Variants in CPNE2 observed in about 807,000 individuals in gnomAD.
CPNE2 encodes the protein copine 2.
CPNE2 carries 42 observed loss-of-function variants against 69.7 expected under a neutral mutation model. The observed-to-expected ratio is 0.60, with a 90% CI of 0.47 to 0.78. The LOEUF (loss-of-function observed/expected upper bound fraction) is 0.78. Among genes scored for constraint, CPNE2 ranks in the 30% least tolerant of loss-of-function variants. The pLI is 0.00. For synonymous variants in CPNE2, 294 were observed against 289.8 expected (o/e 1.01, Z -0.15); for missense variants, 587 against 732.0 (o/e 0.80, Z 2.29).
intron 1 of CPNE2, among the ~76,000 whole-genome samples, chr16:57,108,612 C>T (rs1419397960): frequency 6.6e-6 from 1 of 152,222 alleles, no homozygotes; most frequent in Non-Finnish European, 1.5e-5. Context: ...GCTCAAAGGG[C>T]TGTGTCCTGA....
chr16:57,101,853 C>A lies in CPNE2; in HGVS notation c.-35-8855C>A, dbSNP rs1326126664. Among the ~76,000 whole-genome samples, 3 of 152,230 alleles carry A rather than the reference C, an allele frequency of 2.0e-5. No individual in the cohort carries two copies. In the South Asian group the frequency reaches 6.2e-4, roughly 31 times the overall value. ...GTGTATACTTAGCCCACATCAGAAC[C>A]ACCAGCAGAGCATGTTAAAACACAG... On this transcript the variant is annotated intron_variant, in intron 1 of 15. Coordinates refer to ENST00000290776, the MANE Select transcript of CPNE2 (RefSeq NM_152727.6).
At chr16:57,137,906 C>T (rs2069894899) in intron 14 of CPNE2, among the ~76,000 whole-genome samples, 1 of 152,224 alleles carries the variant, frequency 6.6e-6, no homozygotes, top group African/African-American at 2.4e-5. Flanking sequence ...TCACCTTGCC[C>T]ACCTCCCCAT....
At chr16:57,137,425 G>C (rs1040125097) in intron 14 of CPNE2, 143 bp downstream of exon 14, 1 of 1,139,518 alleles carries the variant, frequency 8.8e-7, no homozygotes, top group Admixed American at 2.5e-5. Flanking sequence ...TGTAAAAGTT[G>C]AGTCAAGCTC....
At chr16:57,117,443 C>T in intron 4 of CPNE2, 53 bp from the exon 5 acceptor site, 5 of 1,582,238 alleles carry the variant, frequency 3.2e-6, no homozygotes, top group Non-Finnish European at 3.4e-6. Context: ...TGCCATCCTG[C>T]CTGGCAGGAG....
chr16:57,110,407 T>C (rs2069673336), intron 1 of CPNE2: 1 of 161,028 alleles, frequency 6.2e-6, no homozygotes, highest in Admixed American at 6.5e-5. Flanking sequence ...AAATATTTTT[T>C]GCAGAGACAG....
At chr16:57,117,058 C>T (rs1325818510) in intron 4 of CPNE2, among the ~76,000 whole-genome samples, 1 of 152,078 alleles carries the variant, frequency 6.6e-6, no homozygotes, top group East Asian at 1.9e-4. Context: ...TCCCCTGGGC[C>T]TCAGTTTCCC....
In CPNE2 at chr16:57,103,978, G is replaced by A. The variant is rs186148441; in HGVS notation, c.-35-6730G>A. ...CTCACCCAGGCTGGAGTGCAGTGGT[G>A]CAATCTAGGCTCATTGCAACCTCCG... On this transcript the variant is annotated intron_variant, in intron 1 of 15. Coordinates refer to ENST00000290776, the MANE Select transcript of CPNE2 (RefSeq NM_152727.6). Among the ~76,000 whole-genome samples, 461 of 152,270 alleles carry A rather than the reference G, an allele frequency of 3.0e-3. 1 individual carries two copies. The highest frequency in any genetic ancestry group is 3.9e-3 in the Non-Finnish European group (263 of 68,022).
At chr16:57,120,195 T>C (rs4784769) in intron 7 of CPNE2, among the ~76,000 whole-genome samples, 115,989 of 151,468 alleles carry the variant, frequency 0.77, 44,563 homozygotes, top group East Asian at 0.91. Flanking sequence ...ATCACTTGAA[T>C]GTGGGAGGCG....
chr16:57,139,519 T>C (rs1334409938), intron 14 of CPNE2, among the ~76,000 whole-genome samples: 1 of 152,208 alleles, frequency 6.6e-6, no homozygotes, highest in African/African-American at 2.4e-5. Context: ...AGAGGGTCTT[T>C]TTGGGAATGG....
At chr16:57,109,419 T>C (rs12447200) in intron 1 of CPNE2, among the ~76,000 whole-genome samples, 1 of 148,576 alleles carries the variant, frequency 6.7e-6, no homozygotes, top group Admixed American at 6.8e-5. Flanking sequence ...GAGGTTGCAG[T>C]GAGCTGACAT....
chr16:57,140,356 G>A (rs1229364517), intron 14 of CPNE2, among the ~76,000 whole-genome samples: 1 of 151,900 alleles, frequency 6.6e-6, no homozygotes, highest in Non-Finnish European at 1.5e-5. Flanking sequence ...ATTTTTAGTA[G>A]AGATAGGGTT....
At chr16:57,118,427 C>T (rs1220722267) in intron 5 of CPNE2, among the ~76,000 whole-genome samples, 1 of 151,786 alleles carries the variant, frequency 6.6e-6, no homozygotes, top group African/African-American at 2.4e-5. Flanking sequence ...CCTACCTCGG[C>T]CTCCCAAAGT....
At chr16:57,102,402 C>T (rs1297594896) in intron 1 of CPNE2, among the ~76,000 whole-genome samples, 33 of 152,044 alleles carry the variant, frequency 2.2e-4, no homozygotes, top group Admixed American at 2.0e-3. Context: ...ACTTGGAGGC[C>T]CTGAGGGTCC....
chr16:57,125,430 G>A (rs1293731417), intron 10 of CPNE2: 7 of 448,156 alleles, frequency 1.6e-5, no homozygotes, highest in Non-Finnish European at 2.7e-5. Context: ...GAGGTTATCT[G>A]GGAAGGTTGC....
chr16:57,137,698 T>C (rs2069893182), intron 14 of CPNE2, among the ~76,000 whole-genome samples: 1 of 152,108 alleles, frequency 6.6e-6, no homozygotes, highest in African/African-American at 2.4e-5. Flanking sequence ...GGCCCTACAC[T>C]CAGCAACAAG....
intron 11 of CPNE2, among the ~76,000 whole-genome samples, chr16:57,126,466 C>T (rs1295549090): frequency 6.6e-6 from 1 of 151,136 alleles, no homozygotes; most frequent in Non-Finnish European, 1.5e-5. Flanking sequence ...CACGGACCCT[C>T]CTCCCATGAC....
chr16:57,116,733 C>T (rs2069721932), intron 4 of CPNE2, among the ~76,000 whole-genome samples: 2 of 152,170 alleles, frequency 1.3e-5, no homozygotes, highest in Non-Finnish European at 2.9e-5. Flanking sequence ...GGTTGTTGAG[C>T]AAGTCCCAGT....
chr16:57,120,543 A>G (rs1465165420), intron 7 of CPNE2, among the ~76,000 whole-genome samples: 3 of 152,178 alleles, frequency 2.0e-5, no homozygotes, highest in Non-Finnish European at 4.4e-5. Context: ...GGAGACAGCT[A>G]GGTCAGGACA....
At chr16:57,102,192 CACCTGCCTCGG>C (rs1455521635) in intron 1 of CPNE2, among the ~76,000 whole-genome samples, 3 of 152,112 alleles carry the variant, frequency 2.0e-5, no homozygotes, top group Non-Finnish European at 2.9e-5. Context: ...GCTCGAGATC[CACCTGCCTCGG>C]CCTCCCAAAG....
Sources: gnomAD v4.1 joint callset for allele counts (sites outside exome capture counted in the v4.1 genomes callset) on GRCh38, gnomAD v4.1.1 for gene constraint, MANE v1.5 for transcripts, NCBI Gene and HGNC (gene_info 2026-07-23, HGNC 2026-07-21) for gene names.